Variants in CA10 observed in about 807,000 individuals in gnomAD.
CA10 encodes the protein carbonic anhydrase 10 (inactive), also known as carbonic anhydrase-related protein 10.
CA10 carries 14 observed loss-of-function variants against 44.2 expected under a neutral mutation model. The observed-to-expected ratio is 0.32, with a 90% CI of 0.21 to 0.50. CA10 has a LOEUF of 0.50. Among genes scored for constraint, CA10 ranks in the 20% least tolerant of loss-of-function variants. The pLI is 0.99. For synonymous variants in CA10, 159 were observed against 141.6 expected (o/e 1.12, Z -0.87); for missense variants, 350 against 409.7 (o/e 0.85, Z 1.26).
intron 4 of CA10, among the ~76,000 whole-genome samples, chr17:51,706,800 C>A (rs1915775914): frequency 6.6e-6 from 1 of 152,174 alleles, no homozygotes; most frequent in Admixed American, 6.5e-5. Flanking sequence ...ACACACCAGG[C>A]ACACTCCTGC....
intron 6 of CA10, among the ~76,000 whole-genome samples, chr17:51,640,015 C>A (rs923129464): frequency 1.3e-5 from 2 of 152,198 alleles, no homozygotes; most frequent in Non-Finnish European, 2.9e-5. Context: ...TCAAGGACTC[C>A]CTGGCTTCCC....
At chr17:52,144,844 T>C (rs997008583) in intron 1 of CA10, among the ~76,000 whole-genome samples, 1 of 152,246 alleles carries the variant, frequency 6.6e-6, no homozygotes, top group African/African-American at 2.4e-5. Flanking sequence ...GTGCATTCTA[T>C]ATGCCAAACA....
At position 51,778,640 on chromosome 17, in the gene CA10, A is replaced by G. The variant is rs533364884; in HGVS notation, c.280-30822T>C. ...CACCTTTACGCAGAGGAAATAATTC[A>G]GTGTCAATCATTTGTTCAACTCAAA... On this transcript the variant is annotated intron_variant, in intron 3 of 8. Transcript: ENST00000451037. Among the ~76,000 whole-genome samples the G allele has an allele frequency of 2.9e-4, 44 of 152,344 alleles. 1 individual carries two copies. Among genetic ancestry groups the G allele is most frequent in the African/African-American group, 1.0e-3 (43 of 41,592 alleles).
chr17:51,748,556 CAA>C, intron 3 of CA10: 8 of 205,622 alleles, frequency 3.9e-5, no homozygotes, highest in South Asian at 1.7e-4. Context: ...ACCTCAACAA[CAA>C]TTGATTCTAG....
intron 4 of CA10, among the ~76,000 whole-genome samples, chr17:51,700,918 G>T (rs1489187337): frequency 6.6e-6 from 1 of 152,048 alleles, no homozygotes; most frequent in South Asian, 2.1e-4. Context: ...GGCCTATGGG[G>T]GTAGGAGTGG....
intron 3 of CA10, among the ~76,000 whole-genome samples, chr17:51,913,287 G>T (rs537313668): frequency 7.9e-5 from 12 of 152,286 alleles, no homozygotes; most frequent in Non-Finnish European, 1.3e-4. Context: ...AAGCAGGGGG[G>T]AGGAAATGCA....
At chr17:52,108,189 ATT>A (rs879650640) in intron 1 of CA10, among the ~76,000 whole-genome samples, 2,691 of 73,896 alleles carry the variant, frequency 0.036, 62 homozygotes, top group Middle Eastern at 0.09. Context: ...TTATATATAT[ATT>A]TTTTATATAT....
intron 4 of CA10, among the ~76,000 whole-genome samples, chr17:51,675,957 T>C (rs1296674115): frequency 6.6e-6 from 1 of 152,150 alleles, no homozygotes; most frequent in Non-Finnish European, 1.5e-5. Flanking sequence ...TCTACACATA[T>C]CTTGTAGGGA....
chr17:51,693,074 TAGCCAATTTGGACTAGTTTC>T (rs1005273778), intron 4 of CA10, among the ~76,000 whole-genome samples: 7 of 152,216 alleles, frequency 4.6e-5, no homozygotes, highest in African/African-American at 1.7e-4. Context: ...TTACTAGTTA[TAGCCAATTTGGACTAGTTTC>T]AGCCAATTTG....
chr17:51,804,057 TAG>T (rs1907037200), intron 3 of CA10, among the ~76,000 whole-genome samples: 1 of 152,186 alleles, frequency 6.6e-6, no homozygotes, highest in African/African-American at 2.4e-5. Context: ...GTCCATCTCA[TAG>T]AGTCACTGTG....
At chr17:51,650,897 TGA>T (rs893735254) in intron 5 of CA10, among the ~76,000 whole-genome samples, 3 of 152,022 alleles carry the variant, frequency 2.0e-5, no homozygotes, top group African/African-American at 7.3e-5. Flanking sequence ...GCTGCGTGGG[TGA>T]GAGGATAAAA....
At chr17:51,932,736 G>A (rs1982714470) in intron 2 of CA10, among the ~76,000 whole-genome samples, 1 of 151,940 alleles carries the variant, frequency 6.6e-6, no homozygotes, top group African/African-American at 2.4e-5. Context: ...CATGTGCATG[G>A]GCTTCCTCGG....
intron 3 of CA10, among the ~76,000 whole-genome samples, chr17:51,911,067 C>T (rs1243439426): frequency 6.6e-6 from 1 of 152,060 alleles, no homozygotes; most frequent in African/African-American, 2.4e-5. Flanking sequence ...GGCTGTGGGC[C>T]GATTTTGAAC....
At chr17:51,870,362 T>A (rs1979746543) in intron 3 of CA10, among the ~76,000 whole-genome samples, 1 of 152,248 alleles carries the variant, frequency 6.6e-6, no homozygotes, top group African/African-American at 2.4e-5. Flanking sequence ...AGGATCACAC[T>A]CTAAAGTGAC....
chr17:51,762,135 A>G (rs913684439), intron 3 of CA10: 5 of 152,218 alleles, frequency 3.3e-5, no homozygotes, highest in Non-Finnish European at 7.3e-5. Context: ...TATTATCACC[A>G]TTTGATGAAG....
At chr17:51,702,330 T>C (rs1242498153) in intron 4 of CA10, among the ~76,000 whole-genome samples, 1 of 152,102 alleles carries the variant, frequency 6.6e-6, no homozygotes, top group East Asian at 1.9e-4. Context: ...GATCCAGCAT[T>C]GCCTGGATCT....
chr17:52,034,449 A>G (rs1812817455), intron 2 of CA10, among the ~76,000 whole-genome samples: 1 of 152,226 alleles, frequency 6.6e-6, no homozygotes, highest in Admixed American at 6.5e-5. Context: ...AGAATCAATT[A>G]AGATGTACAT....
At chr17:51,859,978 G>C (rs1201481327) in intron 3 of CA10, among the ~76,000 whole-genome samples, 4 of 152,164 alleles carry the variant, frequency 2.6e-5, no homozygotes, top group Non-Finnish European at 5.9e-5. Flanking sequence ...GTGAGTGGCT[G>C]TTTGTACAGG....
intron 3 of CA10, among the ~76,000 whole-genome samples, chr17:51,840,003 T>C (rs2143802441): frequency 6.6e-6 from 1 of 152,358 alleles, no homozygotes; most frequent in South Asian, 2.1e-4. Context: ...AAACTCGGGC[T>C]CATGTGCATA....
Sources: allele counts gnomAD v4.1 joint callset (sites outside exome capture counted in the v4.1 genomes callset), GRCh38; gene constraint gnomAD v4.1.1; transcripts MANE v1.5; gene names NCBI Gene and HGNC (gene_info 2026-07-23, HGNC 2026-07-21).